GALNTL6: variants seen among roughly 807,000 people sequenced by gnomAD.
The protein encoded by GALNTL6 is polypeptide N-acetylgalactosaminyltransferase like 6.
In GALNTL6, 46 loss-of-function variants were observed where a neutral mutation model predicts 73.7. The ratio of observed to expected loss-of-function variants is 0.62; its 90% CI spans 0.49 to 0.80. The LOEUF is 0.80. Ranked by LOEUF, GALNTL6 falls within the 30% of genes least tolerant of loss-of-function variation. The pLI, the probability that GALNTL6 is intolerant of heterozygous loss-of-function variation, is 0.00. For synonymous variants in GALNTL6, 259 were observed against 263.7 expected (o/e 0.98, Z 0.17); for missense variants, 604 against 755.0 (o/e 0.80, Z 2.34).
At chr4:173,021,450 C>T (rs768833435) in intron 11 of GALNTL6, 26 bp from the exon 12 acceptor site, 3 of 1,613,036 alleles carry the variant, frequency 1.9e-6, no homozygotes, top group Middle Eastern at 1.6e-4. Context: ...CTCACTGCAG[C>T]TTTTCTGCTA....
chr4:172,039,401 A>G lies in GALNTL6; in HGVS notation c.139-190255A>G, dbSNP rs531396956. Among the ~76,000 whole-genome samples the G allele has an allele frequency of 1.3e-3, 200 of 152,330 alleles. 1 individual carries two copies. Among genetic ancestry groups the G allele is most frequent in the African/African-American group, 4.5e-3 (187 of 41,596 alleles). The stretch of plus-strand genomic sequence containing the variant: ...TTAAAAGTATAATGAGAAAAATAAC[A>G]TTCTTTGATGTCCAGCAGACAAATG... On this transcript the variant is annotated intron_variant, in intron 2 of 12. Transcript: ENST00000506823.
rs1209051590 is a variant in GALNTL6 at position 171,938,311 on chromosome 4, G to A, written c.138+123593G>A. On this transcript the variant is annotated intron_variant, in intron 2 of 12. Coordinates refer to ENST00000506823, the MANE Select transcript of GALNTL6 (RefSeq NM_001034845.3). The stretch of plus-strand genomic sequence containing the variant: ...AATTACTGAATACAGAATTTCTATA[G>A]CCTCTGCCTCTTGTTTGAAGTTGTG... Among the ~76,000 whole-genome samples the A allele has an allele frequency of 2.0e-5, 3 of 151,966 alleles. 1 individual carries two copies. The highest frequency in any genetic ancestry group is 7.2e-5 in the African/African-American group (3 of 41,398).
chr4:171,840,626 A>G (rs1735213818), intron 2 of GALNTL6, among the ~76,000 whole-genome samples: 1 of 152,162 alleles, frequency 6.6e-6, no homozygotes, highest in Non-Finnish European at 1.5e-5. Context: ...TAGCCTTTGG[A>G]GTAGAACAGT....
intron 8 of GALNTL6, among the ~76,000 whole-genome samples, chr4:172,896,509 G>A (rs975744319): frequency 6.6e-6 from 1 of 152,224 alleles, no homozygotes; most frequent in African/African-American, 2.4e-5. Context: ...TTCAAGCCTA[G>A]AAGACTGTCC....
chr4:173,025,285 T>A (rs1753187384), intron 12 of GALNTL6, among the ~76,000 whole-genome samples: 1 of 152,156 alleles, frequency 6.6e-6, no homozygotes, highest in South Asian at 2.1e-4. Flanking sequence ...ACAAGAACAG[T>A]GAATTGTTGA....
chr4:172,709,232 C>A (rs1158291375), intron 5 of GALNTL6, among the ~76,000 whole-genome samples: 10 of 152,134 alleles, frequency 6.6e-5, no homozygotes, highest in Non-Finnish European at 1.5e-5. Flanking sequence ...TCTCTTCTCC[C>A]TCTCCCCTCC....
chr4:172,015,508 T>G lies in GALNTL6; in HGVS notation c.138+200790T>G, dbSNP rs1310773467. On this transcript the variant is annotated intron_variant, in intron 2 of 12. Transcript: ENST00000506823. ...TGGATTTTTATCCATTCTGCCATTC[T>G]GTATATTTTAAGTGAAGCATTTGGA... Among the ~76,000 whole-genome samples the G allele has an allele frequency of 2.0e-5, 3 of 152,140 alleles. No homozygotes were observed. In the East Asian group the frequency reaches 5.8e-4, roughly 29 times the overall value.
intron 2 of GALNTL6, among the ~76,000 whole-genome samples, chr4:172,098,740 A>G (rs560457502): frequency 3.8e-4 from 58 of 152,310 alleles, no homozygotes; most frequent in African/African-American, 1.4e-3. Context: ...GTGGTTCTCA[A>G]CCAGGAGCAA....
intron 3 of GALNTL6, among the ~76,000 whole-genome samples, chr4:172,249,378 A>G (rs1013590855): frequency 6.6e-6 from 1 of 152,216 alleles, no homozygotes; most frequent in African/African-American, 2.4e-5. Flanking sequence ...AGAGCATTCA[A>G]GTTTGAAAAT....
chr4:172,782,958 C>T (rs1739451359), intron 5 of GALNTL6, among the ~76,000 whole-genome samples: 1 of 152,006 alleles, frequency 6.6e-6, no homozygotes, highest in South Asian at 2.1e-4. Flanking sequence ...ATGTATTTCC[C>T]AGGACAAAGC....
At chr4:172,552,399 G>A (rs1401899863) in intron 5 of GALNTL6, among the ~76,000 whole-genome samples, 1 of 151,996 alleles carries the variant, frequency 6.6e-6, no homozygotes, top group Admixed American at 6.6e-5. Context: ...TGAATTGCCA[G>A]TGCAAATATA....
At chr4:172,926,294 TACC>T (rs1258544251) in intron 8 of GALNTL6, among the ~76,000 whole-genome samples, 1 of 152,170 alleles carries the variant, frequency 6.6e-6, no homozygotes, top group Non-Finnish European at 1.5e-5. Flanking sequence ...TACCTCTGAA[TACC>T]ACCACATTGG....
intron 5 of GALNTL6, among the ~76,000 whole-genome samples, chr4:172,575,487 A>G (rs1424552916): frequency 2.0e-5 from 3 of 152,220 alleles, no homozygotes; most frequent in African/African-American, 7.2e-5. Flanking sequence ...AAGTTTGAGA[A>G]AACTGTCCTT....
At chr4:172,867,483 G>C (rs1044246232) in intron 7 of GALNTL6, among the ~76,000 whole-genome samples, 10 of 152,176 alleles carry the variant, frequency 6.6e-5, no homozygotes, top group Non-Finnish European at 1.2e-4. Flanking sequence ...GTGGCAGGAA[G>C]AAAAATGAGA....
intron 10 of GALNTL6, among the ~76,000 whole-genome samples, chr4:173,008,676 G>A (rs1234033742): frequency 3.3e-5 from 5 of 152,216 alleles, no homozygotes; most frequent in African/African-American, 1.2e-4. Flanking sequence ...ATTGGTCACA[G>A]AGAGCAGCAT....
intron 4 of GALNTL6, among the ~76,000 whole-genome samples, chr4:172,320,757 G>C (rs1224055494): frequency 6.6e-6 from 1 of 152,170 alleles, no homozygotes; most frequent in African/African-American, 2.4e-5. Flanking sequence ...AGCAATTAGT[G>C]GTGTTTAACA....
chr4:172,489,277 C>A (rs1303462177), intron 5 of GALNTL6, among the ~76,000 whole-genome samples: 1 of 152,058 alleles, frequency 6.6e-6, no homozygotes, highest in Non-Finnish European at 1.5e-5. Flanking sequence ...CGCACGCAGA[C>A]ACACACACAC....
intron 5 of GALNTL6, among the ~76,000 whole-genome samples, chr4:172,707,079 C>T (rs1015961108): frequency 2.5e-4 from 38 of 152,110 alleles, no homozygotes; most frequent in Non-Finnish European, 3.4e-4. Context: ...CATCAGTCCA[C>T]GGGGACTTTT....
At chr4:171,865,053 G>A (rs1211156278) in intron 2 of GALNTL6, among the ~76,000 whole-genome samples, 3 of 152,082 alleles carry the variant, frequency 2.0e-5, no homozygotes, top group Admixed American at 2.0e-4. Flanking sequence ...GACTGAGGCA[G>A]TAGAATCTCT....
Sources: gnomAD v4.1 joint callset for allele counts (sites outside exome capture counted in the v4.1 genomes callset) on GRCh38, gnomAD v4.1.1 for gene constraint, MANE v1.5 for transcripts, NCBI Gene and HGNC (gene_info 2026-07-23, HGNC 2026-07-21) for gene names.